Variants in ZNF385B observed in about 807,000 individuals in gnomAD.
ZNF385B encodes the protein zinc finger protein 533.
Under a neutral mutation model 39.2 loss-of-function variants are expected in ZNF385B, and 23 were observed. The ratio of observed to expected loss-of-function variants is 0.59; its 90% CI spans 0.42 to 0.83. The LOEUF (loss-of-function observed/expected upper bound fraction) is 0.83. Among genes scored for constraint, ZNF385B ranks in the 40% least tolerant of loss-of-function variants. The pLI is 0.00. For synonymous variants in ZNF385B, 205 were observed against 222.6 expected (o/e 0.92, Z 0.70); for missense variants, 552 against 598.9 (o/e 0.92, Z 0.82).
At chr2:179,507,378 C>A (rs1162276984) in intron 5 of ZNF385B, among the ~76,000 whole-genome samples, 1 of 152,100 alleles carries the variant, frequency 6.6e-6, no homozygotes, top group Admixed American at 6.6e-5. Context: ...TCCTTTAAAT[C>A]CTGACCATCT....
intron 3 of ZNF385B, among the ~76,000 whole-genome samples, chr2:179,628,113 T>C (rs1233967113): frequency 6.6e-6 from 1 of 152,160 alleles, no homozygotes; most frequent in Non-Finnish European, 1.5e-5. Context: ...ATACATCAGT[T>C]TGTATTTCTA....
Position 179,768,763 on chromosome 2 carries a change from AG to A in ZNF385B, c.298+739del, listed in dbSNP as rs1187989858. Among the ~76,000 whole-genome samples the A allele has an allele frequency of 2.0e-5, 3 of 152,340 alleles. No homozygotes were observed. The East Asian group carries it at 5.8e-4, about 29-fold the overall frequency. ...TAATTCTGTCACAGTGAAGATACCC[AG>A]TGACCAGCAATGTGGAAGAGGAGGG... On this transcript the variant is annotated intron_variant, in intron 3 of 9. Transcript: ENST00000410066.
intron 5 of ZNF385B, among the ~76,000 whole-genome samples, chr2:179,500,606 T>G (rs2056665431): frequency 6.6e-6 from 1 of 152,112 alleles, no homozygotes; most frequent in African/African-American, 2.4e-5. Flanking sequence ...CAAAATGGAT[T>G]AAAGACTTAA....
intron 1 of ZNF385B, among the ~76,000 whole-genome samples, chr2:179,779,667 A>C (rs1704550975): frequency 6.6e-6 from 1 of 152,332 alleles, no homozygotes; most frequent in East Asian, 1.9e-4. Context: ...GATGAATTCC[A>C]AACACTTGGA....
intron 3 of ZNF385B, among the ~76,000 whole-genome samples, chr2:179,650,729 C>G (rs1693123258): frequency 6.6e-6 from 1 of 152,086 alleles, no homozygotes; most frequent in African/African-American, 2.4e-5. Context: ...AAAAGCAAAT[C>G]AATAAGGTAG....
Position 179,477,465 on chromosome 2 carries a change from T to C in ZNF385B, c.715+5807A>G, listed in dbSNP as rs953309748. Among the ~76,000 whole-genome samples the C allele has an allele frequency of 2.6e-5, 4 of 152,238 alleles. No homozygotes were observed. The East Asian group carries it at 7.7e-4, about 29-fold the overall frequency. ...CTTTCTCTTCTTCTCATGTCTTTTCTAACACTGTTACCTCACGGTCTCCAT... is the reference window on the plus strand; with the variant it reads ...CTTTCTCTTCTTCTCATGTCTTTTCCAACACTGTTACCTCACGGTCTCCAT... On this transcript the variant is annotated intron_variant, in intron 6 of 9. Coordinates refer to ENST00000410066, the MANE Select transcript of ZNF385B (RefSeq NM_152520.6).
chr2:179,488,784 C>T (rs1182594788), intron 5 of ZNF385B, among the ~76,000 whole-genome samples: 4 of 152,054 alleles, frequency 2.6e-5, no homozygotes, highest in Non-Finnish European at 5.9e-5. Flanking sequence ...TTCAGGAAAA[C>T]CCAATATACT....
At chr2:179,589,629 T>C (rs915243468) in intron 3 of ZNF385B, among the ~76,000 whole-genome samples, 3 of 152,224 alleles carry the variant, frequency 2.0e-5, no homozygotes, top group Admixed American at 6.5e-5. Flanking sequence ...TACCCACTGA[T>C]GCTGAGCCTA....
At chr2:179,831,683 G>C (rs1040097492) in intron 1 of ZNF385B, among the ~76,000 whole-genome samples, 21 of 152,078 alleles carry the variant, frequency 1.4e-4, no homozygotes, top group African/African-American at 3.4e-4. Flanking sequence ...TTGCTTAAAT[G>C]CTCCTTCCAA....
intron 3 of ZNF385B, among the ~76,000 whole-genome samples, chr2:179,733,991 T>A (rs987265035): frequency 1.3e-5 from 2 of 152,116 alleles, no homozygotes; most frequent in Non-Finnish European, 2.9e-5. Context: ...CATACAAACA[T>A]ACACACCTTT....
intron 1 of ZNF385B, among the ~76,000 whole-genome samples, chr2:179,819,034 TACACACACACACACACACACACACACAC>T (rs10556902): frequency 6.8e-6 from 1 of 148,090 alleles, no homozygotes; most frequent in African/African-American, 2.5e-5. Flanking sequence ...TGTTTATAAA[TACACACACACACACACACACACACACAC>T]ACACACACAC....
Position 179,664,532 on chromosome 2 carries a change from G to T in ZNF385B, c.298+104971C>A, listed in dbSNP as rs368722483. Among the ~76,000 whole-genome samples the T allele has an allele frequency of 4.8e-4, 73 of 152,164 alleles. 1 individual carries two copies. The South Asian group carries it at 8.7e-3, about 18-fold the overall frequency. On this transcript the variant is annotated intron_variant, in intron 3 of 9. Coordinates refer to ENST00000410066, the MANE Select transcript of ZNF385B (RefSeq NM_152520.6). ...GAGTTCTGAGTCTGAAAATCCAGAAGAGAAAAATAAAGAACAAAAAGAAAA... is the reference window on the plus strand; with the variant it reads ...GAGTTCTGAGTCTGAAAATCCAGAATAGAAAAATAAAGAACAAAAAGAAAA...
intron 1 of ZNF385B, among the ~76,000 whole-genome samples, chr2:179,834,596 A>C (rs1171092937): frequency 6.6e-6 from 1 of 152,188 alleles, no homozygotes; most frequent in East Asian, 1.9e-4. Context: ...AGGGAACAAG[A>C]GAAATGGAGA....
At chr2:179,804,223 G>A (rs1218845675) in intron 1 of ZNF385B, among the ~76,000 whole-genome samples, 1 of 152,134 alleles carries the variant, frequency 6.6e-6, no homozygotes, top group East Asian at 1.9e-4. Context: ...AGCATTACCA[G>A]AAGATGTACT....
intron 3 of ZNF385B, among the ~76,000 whole-genome samples, chr2:179,757,246 TG>T (rs1250024366): frequency 2.0e-5 from 3 of 152,242 alleles, no homozygotes; most frequent in African/African-American, 7.2e-5. Flanking sequence ...CCTGTTTGCC[TG>T]GGTATCAGCA....
chr2:179,449,864 A>G (rs2049908903), intron 6 of ZNF385B, among the ~76,000 whole-genome samples: 1 of 152,062 alleles, frequency 6.6e-6, no homozygotes, highest in African/African-American at 2.4e-5. Flanking sequence ...CCACAAGGCT[A>G]CAGTAACCAA....
chr2:179,466,976 A>G (rs1049996883), intron 6 of ZNF385B, among the ~76,000 whole-genome samples: 4 of 128,682 alleles, frequency 3.1e-5, no homozygotes, highest in Admixed American at 1.7e-4. Flanking sequence ...AGGGAAAGGG[A>G]GGGGAGGGGA....
At chr2:179,722,098 T>C (rs1441876674) in intron 3 of ZNF385B, among the ~76,000 whole-genome samples, 1 of 152,092 alleles carries the variant, frequency 6.6e-6, no homozygotes, top group Non-Finnish European at 1.5e-5. Context: ...TAAAAAGATA[T>C]CACTTAAAAT....
intron 1 of ZNF385B, among the ~76,000 whole-genome samples, chr2:179,793,263 C>T (rs1705455214): frequency 6.6e-6 from 1 of 152,218 alleles, no homozygotes; most frequent in Non-Finnish European, 1.5e-5. Context: ...TACTCTGAAA[C>T]TTGCAAGAGA....
Sources: allele counts gnomAD v4.1 joint callset (sites outside exome capture counted in the v4.1 genomes callset), GRCh38; gene constraint gnomAD v4.1.1; transcripts MANE v1.5; gene names NCBI Gene and HGNC (gene_info 2026-07-23, HGNC 2026-07-21).